Variants in TGFBR3 observed in about 807,000 individuals in gnomAD.
TGFBR3 encodes the protein transforming growth factor beta receptor type 3.
A neutral mutation model predicts 87.9 loss-of-function variants in TGFBR3; 46 were observed. The ratio of observed to expected loss-of-function variants is 0.52; its 90% CI spans 0.41 to 0.67. TGFBR3 has a LOEUF of 0.67. TGFBR3 is among the 30% of genes least tolerant of loss of function. The pLI is 0.00. For missense variants in TGFBR3, 866 were observed against 1,041.9 expected, an observed-to-expected ratio of 0.83 and a Z score of 2.32; for synonymous variants, 381 against 391.6, an observed-to-expected ratio of 0.97 and a Z score of 0.32.
chr1:91,873,174 T>G (rs1352684081), intron 1 of TGFBR3, among the ~76,000 whole-genome samples: 1 of 152,036 alleles, frequency 6.6e-6, no homozygotes, highest in African/African-American at 2.4e-5. Flanking sequence ...TCTCACTATG[T>G]TATCCAGGCT....
At chr1:91,799,251 G>T (rs900378295) in intron 2 of TGFBR3, among the ~76,000 whole-genome samples, 2 of 152,208 alleles carry the variant, frequency 1.3e-5, no homozygotes, top group Non-Finnish European at 2.9e-5. Context: ...TAGCTATCTG[G>T]TCTGAAATGA....
chr1:91,748,332 C>T (rs770955886), intron 4 of TGFBR3, among the ~76,000 whole-genome samples: 16 of 152,150 alleles, frequency 1.1e-4, no homozygotes, highest in Admixed American at 2.0e-4. Flanking sequence ...AATTAACAAA[C>T]GGTCCCCACA....
At chr1:91,703,481 C>T (rs1006254901) in intron 14 of TGFBR3, among the ~76,000 whole-genome samples, 1 of 152,112 alleles carries the variant, frequency 6.6e-6, no homozygotes, top group Non-Finnish European at 1.5e-5. Context: ...ATTTAACTTG[C>T]TAAGAATTAA....
intron 4 of TGFBR3, among the ~76,000 whole-genome samples, chr1:91,751,620 A>G (rs1365335488): frequency 1.3e-5 from 2 of 149,850 alleles, no homozygotes; most frequent in African/African-American, 2.4e-5. Context: ...AAATATTTGG[A>G]CCTTTTTTTT....
chr1:91,891,872 T>A (rs1175774647), intron 2 of TGFBR3, among the ~76,000 whole-genome samples: 1 of 152,218 alleles, frequency 6.6e-6, no homozygotes, highest in Non-Finnish European at 1.5e-5. Context: ...AAGGCCATAA[T>A]TTAAAGCCAC....
intron 15 of TGFBR3, among the ~76,000 whole-genome samples, chr1:91,697,393 G>T (rs963939327): frequency 6.6e-6 from 1 of 152,088 alleles, no homozygotes; most frequent in Non-Finnish European, 1.5e-5. Context: ...CTTAGGAAAG[G>T]AAAAAAAGCA....
At chr1:91,734,241 T>C (rs1672877590) in intron 5 of TGFBR3, among the ~76,000 whole-genome samples, 1 of 152,220 alleles carries the variant, frequency 6.6e-6, no homozygotes, top group African/African-American at 2.4e-5. Flanking sequence ...ACACTTCTTT[T>C]CTCCAATAAT....
chr1:91,753,082 A>G (rs1215422532), intron 4 of TGFBR3, among the ~76,000 whole-genome samples: 2 of 151,726 alleles, frequency 1.3e-5, no homozygotes, highest in South Asian at 4.2e-4. Context: ...AAGTAAAAAG[A>G]TACATTTAAA....
At chr1:91,751,400 G>A (rs1274451432) in intron 4 of TGFBR3, among the ~76,000 whole-genome samples, 2 of 152,186 alleles carry the variant, frequency 1.3e-5, no homozygotes, top group African/African-American at 4.8e-5. Context: ...GACATGCACG[G>A]TGGTATGGGC....
intron 1 of TGFBR3, among the ~76,000 whole-genome samples, chr1:91,880,812 G>A (rs930507612): frequency 2.0e-5 from 3 of 151,026 alleles, no homozygotes; most frequent in Admixed American, 6.6e-5. Context: ...CCAGGAGTTC[G>A]AGACCAGCCG....
At chr1:91,890,409 CTTTTTTTTTTTTTTT>C (rs1175619952), upstream of TGFBR3, among the ~76,000 whole-genome samples, 6 of 60,366 alleles carry the variant, frequency 9.9e-5, no homozygotes, top group African/African-American at 3.5e-4. Context: ...TCTCTATAAT[CTTTTTTTTTTTTTTT>C]TTTTTTTTTT....
chr1:91,800,326 G>GTA (rs149117181), intron 2 of TGFBR3, among the ~76,000 whole-genome samples: 32,997 of 136,912 alleles, frequency 0.24, 4,802 homozygotes, highest in Middle Eastern at 0.33. Flanking sequence ...ATATATATGT[G>GTA]TATATGTGTG....
In TGFBR3 at chr1:91,875,780, C is replaced by CGGGGGGGGGGGGGGGGGGGGGGG. The variant is rs1204497451; in HGVS notation, c.-114+10097_-114+10098insCCCCCCCCCCCCCCCCCCCCCCC. On this transcript the variant is annotated intron_variant, in intron 1 of 16. Transcript: ENST00000212355. ...GCGCACACCTGTAATCCCAGCTACT[C>CGGGGGGGGGGGGGGGGGGGGGGG]GGGCGGGGGGGGGGGGTGGGAGTGT... Among the ~76,000 whole-genome samples the CGGGGGGGGGGGGGGGGGGGGGGG allele has an allele frequency of 2.9e-4, 2 of 6,852 alleles. 1 individual carries two copies. Among genetic ancestry groups the CGGGGGGGGGGGGGGGGGGGGGGG allele is most frequent in the Admixed American group, 4.5e-3 (2 of 448 alleles). 4.5% of individuals were successfully genotyped at this position (6,852 alleles called of 152,430 possible).
At chr1:91,846,624 A>G (rs1418149627) in intron 2 of TGFBR3, among the ~76,000 whole-genome samples, 1 of 152,114 alleles carries the variant, frequency 6.6e-6, no homozygotes, top group African/African-American at 2.4e-5. Context: ...TTTGATACTT[A>G]AAAGTTTGGT....
At chr1:91,800,458 C>T (rs1259982219) in intron 2 of TGFBR3, among the ~76,000 whole-genome samples, 1 of 150,286 alleles carries the variant, frequency 6.7e-6, no homozygotes, top group East Asian at 2.0e-4. Context: ...TGCAGTAAGC[C>T]GTGATCACAC....
chr1:91,697,545 A>G lies in TGFBR3; in HGVS notation c.2329+544T>C, dbSNP rs74103034. ...TCAGCATTTTCTTCTGCATAAAATA[A>G]TGAAATTGGCCTAGACAATTTCCAA... is the stretch of plus-strand genomic sequence containing the variant. On this transcript the variant is annotated intron_variant, in intron 15 of 16. Transcript: ENST00000212355. 3.0e-3 allele frequency among the ~76,000 whole-genome samples: 453 copies of G among 152,354 alleles called. 1 individual carries two copies. Among genetic ancestry groups the G allele is most frequent in the African/African-American group, 0.01 (429 of 41,584 alleles).
At chr1:91,702,830 A>G (rs1671668854) in intron 14 of TGFBR3, among the ~76,000 whole-genome samples, 2 of 152,216 alleles carry the variant, frequency 1.3e-5, no homozygotes, top group Non-Finnish European at 2.9e-5. Context: ...AGATCACCTG[A>G]GGTCAGGAGT....
At chr1:91,740,384 A>C (rs911183572) in intron 4 of TGFBR3, among the ~76,000 whole-genome samples, 3 of 140,962 alleles carry the variant, frequency 2.1e-5, no homozygotes, top group African/African-American at 8.0e-5. Context: ...TTTTTTTTTT[A>C]GATGGAGTCT....
intron 3 of TGFBR3, among the ~76,000 whole-genome samples, chr1:91,791,955 T>C (rs1675212132): frequency 6.6e-6 from 1 of 152,174 alleles, no homozygotes; most frequent in South Asian, 2.1e-4. Context: ...AGTCGAGCAG[T>C]TAGCACTTGA....
Sources: allele counts gnomAD v4.1 joint callset (sites outside exome capture counted in the v4.1 genomes callset), GRCh38; gene constraint gnomAD v4.1.1; transcripts MANE v1.5; gene names NCBI Gene and HGNC (gene_info 2026-07-23, HGNC 2026-07-21).